DOCK3: variants seen among roughly 807,000 people sequenced by gnomAD.
The protein encoded by DOCK3 is dedicator of cytokinesis protein 3.
A neutral mutation model predicts 265.6 loss-of-function variants in DOCK3; 60 were observed. The observed-to-expected ratio is 0.23, with a 90% confidence interval of 0.18 to 0.28. The LOEUF (loss-of-function observed/expected upper bound fraction) is 0.28. Among genes scored for constraint, DOCK3 ranks in the 10% least tolerant of loss-of-function variants. DOCK3 has a pLI of 1.00. For missense variants in DOCK3, 1,981 were observed against 2,594.3 expected, an observed-to-expected ratio of 0.76 and a Z score of 5.14; for synonymous variants, 881 against 938.0, an observed-to-expected ratio of 0.94 and a Z score of 1.11.
At chr3:51,063,934 TG>T (rs2081505931) in intron 5 of DOCK3, among the ~76,000 whole-genome samples, 1 of 152,212 alleles carries the variant, frequency 6.6e-6, no homozygotes, top group Non-Finnish European at 1.5e-5. Context: ...GAAAATCAGA[TG>T]AGGCCTAGAA....
intron 2 of DOCK3, among the ~76,000 whole-genome samples, chr3:50,785,987 G>A (rs542214594): frequency 2.0e-5 from 3 of 150,824 alleles, no homozygotes; most frequent in African/African-American, 7.3e-5. Context: ...TTGTCTCACT[G>A]CTTGTTATTT....
chr3:51,089,574 G>T (rs190952855), intron 8 of DOCK3, among the ~76,000 whole-genome samples: 2 of 152,102 alleles, frequency 1.3e-5, no homozygotes, highest in African/African-American at 4.8e-5. Context: ...TAAATCAAGC[G>T]CATTGGGGTC....
chr3:50,918,832 G>T (rs1408470951), intron 4 of DOCK3, among the ~76,000 whole-genome samples: 1 of 152,166 alleles, frequency 6.6e-6, no homozygotes, highest in African/African-American at 2.4e-5. Context: ...TGAAGTCCTT[G>T]CCCATGCCTA....
rs571448685 is a variant in DOCK3 at position 50,760,127 on chromosome 3, A to G, written c.38-18548A>G. ...GTTTTCTTCTAAGAGTTTTACAGTT[A>G]TAGCTTTTACTTTTAAGTCTTTGAG... On this transcript the variant is annotated intron_variant, in intron 1 of 52. Transcript: ENST00000266037. Among the ~76,000 whole-genome samples, 7 of 151,566 alleles carry G rather than the reference A, an allele frequency of 4.6e-5. No individual in the cohort carries two copies. The South Asian group carries it at 1.5e-3, about 32-fold the overall frequency.
chr3:51,048,302 T>C (rs2080853356), intron 5 of DOCK3, among the ~76,000 whole-genome samples: 1 of 152,164 alleles, frequency 6.6e-6, no homozygotes, highest in Non-Finnish European at 1.5e-5. Flanking sequence ...AAGCTGATGG[T>C]TTTCTTCTAA....
rs149762736 is a variant in DOCK3, at chr3:50,786,987, G to A, written c.121+8229G>A. 786 of 741,124 alleles carry A rather than the reference G, an allele frequency of 1.1e-3. 7 individuals are homozygous for A. In the African/African-American group the frequency reaches 0.012, roughly 11 times the overall value. 45.9% of individuals were successfully genotyped at this position (741,124 alleles called of 1,614,324 possible). On this transcript the variant is annotated intron_variant, in intron 2 of 52. Coordinates refer to ENST00000266037, the MANE Select transcript of DOCK3 (RefSeq NM_004947.5). ...TTCATGTGTGCAACCATGTGTTTTC[G>A]CACATGAGCCATGGCATAGAATTTT...
chr3:50,954,580 A>AC (rs1479992564), intron 5 of DOCK3, among the ~76,000 whole-genome samples: 1 of 152,142 alleles, frequency 6.6e-6, no homozygotes, highest in African/African-American at 2.4e-5. Context: ...CCCGAGGAGA[A>AC]CAATTAAGGG....
At chr3:51,227,218 A>G (rs2090365071) in intron 15 of DOCK3, 65 bp from the exon 16 acceptor site, 1 of 1,572,364 alleles carries the variant, frequency 6.4e-7, no homozygotes, top group African/African-American at 1.4e-5. Context: ...AAAGTGTCCT[A>G]GTGACACAGA....
At chr3:50,813,456 A>AG (rs2043880316) in intron 2 of DOCK3, among the ~76,000 whole-genome samples, 4 of 152,102 alleles carry the variant, frequency 2.6e-5, no homozygotes, top group East Asian at 3.9e-4. Flanking sequence ...TTGAACCCAG[A>AG]AGTTTGAGGG....
chr3:51,031,767 T>G (rs750032335), intron 5 of DOCK3, among the ~76,000 whole-genome samples: 3 of 152,146 alleles, frequency 2.0e-5, no homozygotes, highest in Non-Finnish European at 4.4e-5. Flanking sequence ...AGGAGGTAAC[T>G]AGGCCACGAG....
At chr3:51,178,251 C>A (rs191599725) in intron 12 of DOCK3, among the ~76,000 whole-genome samples, 3 of 152,170 alleles carry the variant, frequency 2.0e-5, no homozygotes, top group Non-Finnish European at 2.9e-5. Context: ...AGAACATACA[C>A]CTATTGTAAG....
At chr3:50,916,975 G>C (rs543140832) in intron 4 of DOCK3, among the ~76,000 whole-genome samples, 1 of 151,966 alleles carries the variant, frequency 6.6e-6, no homozygotes, top group African/African-American at 2.4e-5. Flanking sequence ...TTTTAAGAAA[G>C]TAAGAAAGAC....
At chr3:51,287,769 A>G (rs927481257) in intron 27 of DOCK3, among the ~76,000 whole-genome samples, 6 of 152,208 alleles carry the variant, frequency 3.9e-5, no homozygotes, top group Admixed American at 2.6e-4. Flanking sequence ...CAACCCAGCA[A>G]TCCCATTGCT....
chr3:50,922,466 G>C (rs899739338), intron 4 of DOCK3, among the ~76,000 whole-genome samples: 1 of 152,192 alleles, frequency 6.6e-6, no homozygotes, highest in Admixed American at 6.5e-5. Flanking sequence ...GGCTTCCCTT[G>C]GCCAGGAAAG....
intron 5 of DOCK3, among the ~76,000 whole-genome samples, chr3:51,047,458 C>G (rs1034589160): frequency 3.6e-5 from 1 of 28,128 alleles, no homozygotes; most frequent in Non-Finnish European, 6.1e-5. Flanking sequence ...GAATGGAAAA[C>G]AATAGAAAAA....
intron 1 of DOCK3, among the ~76,000 whole-genome samples, chr3:50,722,518 T>G (rs945757424): frequency 6.6e-6 from 1 of 152,186 alleles, no homozygotes; most frequent in Non-Finnish European, 1.5e-5. Context: ...AGAAGTATTA[T>G]TTCCTTTAGC....
intron 27 of DOCK3, among the ~76,000 whole-genome samples, chr3:51,300,519 A>G (rs1053861945): frequency 3.9e-5 from 6 of 152,258 alleles, no homozygotes; most frequent in African/African-American, 1.4e-4. Context: ...CCCATTCAGT[A>G]TGATATTGGC....
intron 2 of DOCK3, among the ~76,000 whole-genome samples, chr3:50,827,832 T>C (rs549720689): frequency 6.6e-6 from 1 of 152,298 alleles, no homozygotes; most frequent in South Asian, 2.1e-4. Flanking sequence ...TCCTTTCTTA[T>C]TTTCCTTGAA....
chr3:50,869,342 A>ATTTTTTTTTTTT (rs755531254), intron 3 of DOCK3, among the ~76,000 whole-genome samples: 1,077 of 70,106 alleles, frequency 0.015, 532 homozygotes, highest in Non-Finnish European at 0.018. Context: ...TCTGCTGGGA[A>ATTTTTTTTTTTT]TTTTTTTTTT....
Sources: allele counts gnomAD v4.1 joint callset (sites outside exome capture counted in the v4.1 genomes callset), GRCh38; gene constraint gnomAD v4.1.1; transcripts MANE v1.5; gene names NCBI Gene and HGNC (gene_info 2026-07-23, HGNC 2026-07-21).